Variants in SLC2A7 observed in about 807,000 individuals in gnomAD.
SLC2A7 encodes the protein solute carrier family 2 member 7, also known as solute carrier family 2, facilitated glucose transporter member 7.
Under a neutral mutation model 50.5 loss-of-function variants are expected in SLC2A7, and 50 were observed. The ratio of observed to expected loss-of-function variants is 0.99; its 90% confidence interval spans 0.79 to 1.25. The LOEUF (loss-of-function observed/expected upper bound fraction) is 1.25, where lower values mean the gene tolerates loss of function less well. Among genes scored for constraint, SLC2A7 ranks in the 50% most tolerant of loss-of-function variants. The pLI is 0.00. For synonymous variants in SLC2A7, 308 were observed against 300.4 expected, an observed-to-expected ratio of 1.03 and a Z score of -0.26; for missense variants, 683 against 679.1, an observed-to-expected ratio of 1.01 and a Z score of -0.06.
chr1:8,997,442 C>T, the SLC2A7 span, among the ~76,000 whole-genome samples: 1 of 151,752 alleles, frequency 6.6e-6, no homozygotes, highest in East Asian at 1.9e-4. Flanking sequence ...CTCTTGTTGC[C>T]CAGGCTGGAG....
chr1:9,023,321 C>T (rs1640941846), intron 2 of SLC2A7, among the ~76,000 whole-genome samples: 1 of 152,190 alleles, frequency 6.6e-6, no homozygotes. Flanking sequence ...AAAAAATTTA[C>T]TTTTGGCCGG....
Position 9,015,216 on chromosome 1 carries a change from CT to C in SLC2A7, c.615del (p.Val207CysfsTer8). ...PAGWPVLLAL[T>X]GVPALLQLLT... ...AGCAGCTGCAGCAGGGCGGGCACCCCTGTGAGCGCCAGAAGCACCGGCCAGC... is the reference window on the plus strand; with the variant it reads ...AGCAGCTGCAGCAGGGCGGGCACCCCGTGAGCGCCAGAAGCACCGGCCAGC... On this transcript the variant is annotated frameshift_variant, in exon 6 of 12. Coordinates refer to ENST00000400906, the MANE Select transcript of SLC2A7 (RefSeq NM_207420.3). LOFTEE classifies it high-confidence loss of function. 1 of 1,604,868 alleles carries C rather than the reference CT, an allele frequency of 6.2e-7. No homozygotes were observed. The highest frequency in any genetic ancestry group is 8.5e-7 in the Non-Finnish European group (1 of 1,176,998).
chr1:9,023,835 CTTCTTTT>C (rs1640953063), intron 2 of SLC2A7, among the ~76,000 whole-genome samples: 15 of 65,982 alleles, frequency 2.3e-4, no homozygotes, highest in African/African-American at 6.8e-4. Context: ...AAATATTCTT[CTTCTTTT>C]TTTTTTTTTT....
intron 2 of SLC2A7, among the ~76,000 whole-genome samples, chr1:9,023,851 T>C (rs1457105341): frequency 1.2e-4 from 5 of 41,616 alleles, no homozygotes; most frequent in Non-Finnish European, 1.9e-4. Context: ...TTTTTTTTTT[T>C]TTTTTTTTTT....
At chr1:9,010,344 C>T in intron 8 of SLC2A7, 100 bp from the exon 9 acceptor site, 1 of 858,228 alleles carries the variant, frequency 1.2e-6, no homozygotes, top group Non-Finnish European at 1.8e-6. Flanking sequence ...TTAGGTGCCC[C>T]TTTCTTTCTT....
chr1:9,011,900 C>T (rs898876728), intron 8 of SLC2A7, among the ~76,000 whole-genome samples: 10 of 152,032 alleles, frequency 6.6e-5, no homozygotes, highest in African/African-American at 2.4e-4. Context: ...CAGGCATGTG[C>T]TATCACGCCC....
At chr1:9,002,957 C>CG (rs1180949037), downstream of SLC2A7, among the ~76,000 whole-genome samples, 3 of 152,250 alleles carry the variant, frequency 2.0e-5, no homozygotes, top group Non-Finnish European at 4.4e-5. Context: ...GACGGCAGCT[C>CG]GGGTATCCAT....
At position 9,003,265 on chromosome 1, in the gene SLC2A7, C is replaced by T; in HGVS notation, c.*35G>A. The T allele has an allele frequency of 1.2e-6, 2 of 1,606,120 alleles. No individual in the cohort carries two copies. The highest frequency in any genetic ancestry group is 1.7e-6 in the Non-Finnish European group (2 of 1,174,370). ...GAGGCCCATTGTCATAGAAGGAAGC[C>T]TTGAATATGGGCTCCCGTCCTTCAT... On this transcript the variant is annotated 3_prime_UTR_variant, in exon 12 of 12. Coordinates refer to ENST00000400906, the MANE Select transcript of SLC2A7 (RefSeq NM_207420.3).
In SLC2A7 at chr1:9,019,233, G is replaced by C. The variant is rs749644272; in HGVS notation, c.412C>G (p.Arg138Gly). 3.0e-5 allele frequency: 48 copies of C among 1,613,862 alleles called. No individual in the cohort carries two copies. Among genetic ancestry groups the C allele is most frequent in the Non-Finnish European group, 3.7e-5 (44 of 1,179,940 alleles). ...AKAFELIVFS[R>G]VVLGVCAGIS... ...CCTGCACAGACTCCCAGCACCACTC[G>C]GGAAAAGACGATCAGCTCAAAAGCC... Residue 138 changes from arginine (R) to glycine (G), a missense_variant, in exon 4 of 12, where the codon CGA (arginine) becomes GGA (glycine). By Grantham distance (125) the Arg-to-Gly change is moderately radical. Coordinates refer to ENST00000400906, the MANE Select transcript of SLC2A7 (RefSeq NM_207420.3).
At chr1:8,998,012 T>G (rs2124226213), downstream of SLC2A7, among the ~76,000 whole-genome samples, 1 of 152,286 alleles carries the variant, frequency 6.6e-6, no homozygotes, top group South Asian at 2.1e-4. Context: ...CGATGTGAGG[T>G]AGGAATCAGA....
chr1:9,022,942 C>T lies in SLC2A7; in HGVS notation c.287G>A (p.Gly96Asp). ...LGGLLGSLLV[G>D]LLVDSCGRKG... ...CCTGCCGCAGCTATCAACCAGCAGG[C>T]CCACGAGCAATGACCCCAACAGGCC... The change falls in exon 3 of 12, where the codon GGC becomes GAC. Residue 96 changes from glycine to aspartate, a missense_variant. Coordinates refer to ENST00000400906, the MANE Select transcript of SLC2A7 (RefSeq NM_207420.3). 1.9e-6 allele frequency: 3 copies of T among 1,613,978 alleles called. No homozygotes were observed. Among genetic ancestry groups the T allele is most frequent in the Non-Finnish European group, 2.5e-6 (3 of 1,179,936 alleles).
chr1:9,010,367 C>T (rs1640728715), intron 8 of SLC2A7, 123 bp from the exon 9 acceptor site: 1 of 752,536 alleles, frequency 1.3e-6, no homozygotes, highest in Non-Finnish European at 2.1e-6. Context: ...GTCTTTCTTT[C>T]TTTTTTTTTA....
intron 8 of SLC2A7, among the ~76,000 whole-genome samples, chr1:9,011,746 C>CT (rs34758810): frequency 0.014 from 1,316 of 93,214 alleles, 15 homozygotes; most frequent in Middle Eastern, 0.035. Flanking sequence ...TCTTCTTCTT[C>CT]TTTTTTTTTT....
intron 11 of SLC2A7, among the ~76,000 whole-genome samples, 165 bp from the exon 12 acceptor site, chr1:9,003,683 C>A (rs1351458789): frequency 6.7e-6 from 1 of 149,508 alleles, no homozygotes; most frequent in Admixed American, 6.6e-5. Flanking sequence ...CATGATGAAA[C>A]CCTGTCTCTA....
intron 5 of SLC2A7, among the ~76,000 whole-genome samples, chr1:9,015,700 G>A (rs947409962): frequency 6.6e-6 from 1 of 151,212 alleles, no homozygotes; most frequent in African/African-American, 2.4e-5. Flanking sequence ...ACCCCTGCTG[G>A]TATGGTGGGA....
At chr1:9,006,495 GCCTC>G (rs58504491) in intron 10 of SLC2A7, among the ~76,000 whole-genome samples, 42,783 of 151,828 alleles carry the variant, frequency 0.28, 6,174 homozygotes, top group African/African-American at 0.31. Context: ...TGAACAGCCT[GCCTC>G]CCTCCACCTC....
Position 9,007,437 on chromosome 1 carries a change from G to C in SLC2A7, c.1117-52C>G, listed in dbSNP as rs773258775. On this transcript the variant is annotated intron_variant, in intron 9 of 11. Coordinates refer to ENST00000400906, the MANE Select transcript of SLC2A7 (RefSeq NM_207420.3). ...GCTGAGGCCAGGAGCCCCACGTGCG[G>C]GGGGGTCCACCTGCGGGTCCCACCT... 4 of 1,575,398 alleles carry C rather than the reference G, an allele frequency of 2.5e-6. No homozygotes were observed. The African/African-American group carries it at 5.4e-5, about 21-fold the overall frequency.
chr1:9,011,368 C>T (rs1365926290), intron 8 of SLC2A7, among the ~76,000 whole-genome samples: 1 of 152,126 alleles, frequency 6.6e-6, no homozygotes. Flanking sequence ...AAAAATAGCC[C>T]CTGGGCTGGG....
chr1:9,001,732 C>G (rs1033625567), downstream of SLC2A7, among the ~76,000 whole-genome samples: 1 of 151,988 alleles, frequency 6.6e-6, no homozygotes, highest in African/African-American at 2.4e-5. Flanking sequence ...ACCTTGTTTT[C>G]AAGGAAGATA....
Sources: gnomAD v4.1 joint callset for allele counts (sites outside exome capture counted in the v4.1 genomes callset) on GRCh38, gnomAD v4.1.1 for gene constraint, MANE v1.5 for transcripts, NCBI Gene and HGNC (gene_info 2026-07-23, HGNC 2026-07-21) for gene names.